PHACTR2: variants seen among roughly 807,000 people sequenced by gnomAD.
PHACTR2 encodes the protein phosphatase and actin regulator 2.
Under a neutral mutation model 76.0 loss-of-function variants are expected in PHACTR2, and 30 were observed. That is an observed-to-expected ratio of 0.39 (90% confidence interval 0.30 to 0.54). PHACTR2 has a LOEUF of 0.54. PHACTR2 is among the 20% of genes least tolerant of loss of function. The pLI, the probability that PHACTR2 is intolerant of heterozygous loss-of-function variation, is 0.61. For synonymous variants in PHACTR2, 292 were observed against 292.5 expected (o/e 1.00, Z 0.02); for missense variants, 696 against 781.1 (o/e 0.89, Z 1.30).
rs1775172379 is a variant in PHACTR2 at position 143,556,237 on chromosome 6, T to C, written c.217+19030T>C. 6.6e-6 allele frequency among the ~76,000 whole-genome samples: 1 copy of C among 152,240 alleles called. No homozygotes were observed. Among genetic ancestry groups the C allele is most frequent in the Admixed American group, 6.5e-5 (1 of 15,288 alleles). On this transcript the variant is annotated intron_variant, in intron 1 of 11. Coordinates refer to the PHACTR2 transcript ENST00000367584. This position sits in a 1 kb window ranked among gnomAD's most constrained non-coding sequence, Gnocchi z 4.3. ...ACTGTATAATTCGGCCCCAGTTCAT[T>C]TCAGACTTTCTTCCTTAAATTCATT... is the stretch of plus-strand genomic sequence containing the variant.
Position 143,537,923 on chromosome 6 carries a change from A to G in PHACTR2, c.217+716A>G, listed in dbSNP as rs78749472. 6.7e-3 allele frequency among the ~76,000 whole-genome samples: 1,025 copies of G among 152,342 alleles called. 13 individuals are homozygous for G. Among genetic ancestry groups the G allele is most frequent in the African/African-American group, 0.02 (850 of 41,594 alleles). On this transcript the variant is annotated intron_variant, in intron 1 of 11. Transcript: ENST00000367584. The surrounding 1 kb of genome is among the most constrained non-coding windows in gnomAD (Gnocchi z 4.4). ...AAAGTTCGAGACCGGCCTGGCCAACATGGTCAGGAAACTTCGTCCCTACTA... is the reference window on the plus strand; with the variant it reads ...AAAGTTCGAGACCGGCCTGGCCAACGTGGTCAGGAAACTTCGTCCCTACTA...
Position 143,548,751 on chromosome 6 carries a change from C to T in PHACTR2, c.217+11544C>T, listed in dbSNP as rs193042063. On this transcript the variant is annotated intron_variant, in intron 1 of 11. Transcript: ENST00000367584. The surrounding 1 kb of genome is among the most constrained non-coding windows in gnomAD (Gnocchi z 4.5). Reference sequence around the variant, plus strand: ...AATTGCAGGGCTTCTGGGAAGCCTACGTGTCACAGAGAAAAGCCTAATGTC... The same window carrying T: ...AATTGCAGGGCTTCTGGGAAGCCTATGTGTCACAGAGAAAAGCCTAATGTC... Among the ~76,000 whole-genome samples the T allele has an allele frequency of 6.6e-5, 10 of 151,880 alleles. No homozygotes were observed. The highest frequency in any genetic ancestry group is 2.4e-4 in the African/African-American group (10 of 41,436).
rs144108164 is a variant in PHACTR2, at chr6:143,632,520, G to A, written c.13+24198G>A. On this transcript the variant is annotated intron_variant, in intron 1 of 11. Transcript: ENST00000305766. ...TGAATTCTCACAGGTGTCAGGGGAT[G>A]TCTCCCCCCGACTATGGACATCCAC... 1.9e-3 allele frequency among the ~76,000 whole-genome samples: 283 copies of A among 152,292 alleles called. 2 individuals carry two copies. The highest frequency in any genetic ancestry group is 5.4e-3 in the South Asian group (26 of 4,832).
intron 1 of PHACTR2, among the ~76,000 whole-genome samples, chr6:143,694,945 T>G (rs1339688728): frequency 6.6e-6 from 1 of 152,202 alleles, no homozygotes; most frequent in Non-Finnish European, 1.5e-5. Flanking sequence ...AGATAATGCT[T>G]CAACAGCACA....
intron 1 of PHACTR2, among the ~76,000 whole-genome samples, chr6:143,609,926 C>G (rs1293707021): frequency 6.6e-6 from 1 of 152,084 alleles, no homozygotes; most frequent in Non-Finnish European, 1.5e-5. Context: ...TTATTAAATG[C>G]AATTAATAAA....
At chr6:143,740,087 G>T (rs72556977) in intron 2 of PHACTR2, among the ~76,000 whole-genome samples, 1 of 151,994 alleles carries the variant, frequency 6.6e-6, no homozygotes, top group Non-Finnish European at 1.5e-5. Flanking sequence ...GCTGGTTGCC[G>T]TTTTTATGGT....
At chr6:143,645,854 A>G (rs1015312693) in intron 1 of PHACTR2, among the ~76,000 whole-genome samples, 1 of 152,232 alleles carries the variant, frequency 6.6e-6, no homozygotes, top group Admixed American at 6.5e-5. Context: ...AAAAGCACTT[A>G]AAAGTACCAG....
At chr6:143,805,017 A>G (rs1776033542) in intron 11 of PHACTR2, among the ~76,000 whole-genome samples, 1 of 152,170 alleles carries the variant, frequency 6.6e-6, no homozygotes, top group African/African-American at 2.4e-5. Flanking sequence ...TTTGGAGTGA[A>G]GTGACTCACT....
chr6:143,631,383 A>G (rs9321932), intron 1 of PHACTR2, among the ~76,000 whole-genome samples: 92,916 of 151,770 alleles, frequency 0.61, 31,354 homozygotes, highest in Non-Finnish European at 0.77. Context: ...TTTTAGAGAT[A>G]GGGTCTCACT....
rs979378391 is a variant in PHACTR2 at position 143,719,481 on chromosome 6, C to G, written c.214+7298C>G. 4.0e-5 allele frequency among the ~76,000 whole-genome samples: 6 copies of G among 149,616 alleles called. No individual in the cohort carries two copies. In the Admixed American group the frequency reaches 4.0e-4, roughly 10 times the overall value. ...TCTCCTGCCTCAGCCTCCTGAGTAGCTGGGATTATAGGCATGCACCACCAC... is the reference window on the plus strand; with the variant it reads ...TCTCCTGCCTCAGCCTCCTGAGTAGGTGGGATTATAGGCATGCACCACCAC... On this transcript the variant is annotated intron_variant, in intron 2 of 12. Transcript: ENST00000440869.
chr6:143,788,760 T>C lies in PHACTR2; in HGVS notation c.1708-13T>C, dbSNP rs779402187. ...GTTTACTGAACTCTGCCTTTTTCCT[T>C]GTCCTCCTGCAGCTCAGCCTGAGAC... On this transcript the variant is annotated splice_polypyrimidine_tract_variant and intron_variant, in intron 10 of 12. Coordinates refer to ENST00000440869, the MANE Select transcript of PHACTR2 (RefSeq NM_001100164.2). 6.2e-7 allele frequency: 1 copy of C among 1,603,858 alleles called. No homozygotes were observed. The highest frequency in any genetic ancestry group is 1.1e-5 in the South Asian group (1 of 90,494).
chr6:143,758,749 A>C (rs1451876412), intron 4 of PHACTR2, among the ~76,000 whole-genome samples: 1 of 152,202 alleles, frequency 6.6e-6, no homozygotes, highest in East Asian at 1.9e-4. Flanking sequence ...CAGTGACAGA[A>C]GAGGATTTTG....
intron 2 of PHACTR2, among the ~76,000 whole-genome samples, chr6:143,744,070 T>C (rs1779001255): frequency 6.6e-6 from 1 of 152,238 alleles, no homozygotes; most frequent in Non-Finnish European, 1.5e-5. Flanking sequence ...CCCAGTCGTG[T>C]ACTACACCCT....
chr6:143,721,141 T>A (rs1356439787), intron 2 of PHACTR2, among the ~76,000 whole-genome samples: 3 of 152,196 alleles, frequency 2.0e-5, no homozygotes, highest in Non-Finnish European at 4.4e-5. Context: ...GGCGCATATG[T>A]TGGTGTTTTC....
intron 2 of PHACTR2, among the ~76,000 whole-genome samples, chr6:143,744,805 A>T (rs1219923097): frequency 2.0e-5 from 3 of 152,238 alleles, no homozygotes; most frequent in African/African-American, 7.2e-5. Flanking sequence ...TATAAGCCTG[A>T]AGTCAGGAAA....
In PHACTR2 at chr6:143,647,298, A is replaced by C. The variant is rs930549439; in HGVS notation, c.13+38976A>C. Among the ~76,000 whole-genome samples, 1 of 152,240 alleles carries C rather than the reference A, an allele frequency of 6.6e-6. No homozygotes were observed. Among genetic ancestry groups the C allele is most frequent in the Admixed American group, 6.5e-5 (1 of 15,284 alleles). ...GAAAGCTAAAAAGCTTGCTAAAGTC[A>C]CGTGGCTAATGAGTAATAACAAGAT... On this transcript the variant is annotated intron_variant, in intron 1 of 11. Transcript: ENST00000305766. This position sits in a 1 kb window ranked among gnomAD's most constrained non-coding sequence, Gnocchi z 4.2.
Position 143,824,778 on chromosome 6 carries a change from T to TA in PHACTR2, c.*1102dup, listed in dbSNP as rs573139254. 4,422 of 141,274 alleles carry TA rather than the reference T, an allele frequency of 0.031. 182 individuals carry two copies. The highest frequency in any genetic ancestry group is 0.13 in the Admixed American group (1,872 of 14,140). The allele number at this position is 141,274 out of a possible 1,614,324, so 8.8% of individuals were successfully genotyped here. A position where few individuals can be genotyped will look rare whatever the true frequency, so the allele number is the denominator to read the frequency against. ...TTTTTAAAGTTGGATTGCTGCTATT[T>TA]AAAAAAAAAAAAAGGACACAGATCA... On this transcript the variant is annotated 3_prime_UTR_variant, in exon 13 of 13. Coordinates refer to ENST00000440869, the MANE Select transcript of PHACTR2 (RefSeq NM_001100164.2). The surrounding 1 kb of genome is among the most constrained non-coding windows in gnomAD (Gnocchi z 6.3).
In PHACTR2 at chr6:143,816,279, T is replaced by C. The variant is rs1467896303; in HGVS notation, c.1923-7395T>C. Reference sequence around the variant, plus strand: ...TGAACTTCTCCTACCTTAAAATGAATGCAAACTACCGAGAAATAGCAAAAT... The same window carrying C: ...TGAACTTCTCCTACCTTAAAATGAACGCAAACTACCGAGAAATAGCAAAAT... On this transcript the variant is annotated intron_variant, in intron 12 of 12. Coordinates refer to ENST00000440869, the MANE Select transcript of PHACTR2 (RefSeq NM_001100164.2). The surrounding 1 kb of genome is among the most constrained non-coding windows in gnomAD (Gnocchi z 4.5). Among the ~76,000 whole-genome samples the C allele has an allele frequency of 2.0e-5, 3 of 152,270 alleles. No homozygotes were observed. Among genetic ancestry groups the C allele is most frequent in the Non-Finnish European group, 4.4e-5 (3 of 68,012 alleles).
In PHACTR2 at chr6:143,549,213, T is replaced by A. The variant is rs1775051180; in HGVS notation, c.217+12006T>A. Among the ~76,000 whole-genome samples, 1 of 151,754 alleles carries A rather than the reference T, an allele frequency of 6.6e-6. No individual in the cohort carries two copies. The highest frequency in any genetic ancestry group is 1.5e-5 in the Non-Finnish European group (1 of 67,876). On this transcript the variant is annotated intron_variant, in intron 1 of 11. Coordinates refer to the PHACTR2 transcript ENST00000367584. This position sits in a 1 kb window ranked among gnomAD's most constrained non-coding sequence, Gnocchi z 4.2. ...GATCTCCTCATTCCTTCAGGAAGATTAATAGTGGGCCTCACATGGCAGATC... is the reference window on the plus strand; with the variant it reads ...GATCTCCTCATTCCTTCAGGAAGATAAATAGTGGGCCTCACATGGCAGATC...
Sources: allele counts gnomAD v4.1 joint callset (sites outside exome capture counted in the v4.1 genomes callset), GRCh38; gene constraint gnomAD v4.1.1; non-coding constraint Gnocchi (gnomAD v3.1); transcripts MANE v1.5; gene names NCBI Gene and HGNC (gene_info 2026-07-23, HGNC 2026-07-21).